DYNC1I1: variants seen among roughly 807,000 people sequenced by gnomAD.
DYNC1I1 encodes the protein dynein cytoplasmic 1 intermediate chain 1.
In DYNC1I1, 43 loss-of-function variants were observed where a neutral mutation model predicts 86.6. That is an observed-to-expected ratio of 0.50 (90% confidence interval 0.39 to 0.64). DYNC1I1 has a LOEUF of 0.64. Ranked by LOEUF, DYNC1I1 falls within the 30% of genes least tolerant of loss-of-function variation. The pLI is 0.00. For synonymous variants in DYNC1I1, 262 were observed against 283.7 expected, an observed-to-expected ratio of 0.92 and a Z score of 0.77; for missense variants, 604 against 788.8, an observed-to-expected ratio of 0.77 and a Z score of 2.81.
intron 13 of DYNC1I1, among the ~76,000 whole-genome samples, chr7:96,038,049 A>G (rs888909895): frequency 2.0e-5 from 3 of 152,190 alleles, no homozygotes; most frequent in African/African-American, 7.2e-5. Context: ...ACCAGGGGCC[A>G]CTTCAAAGAT....
chr7:95,908,189 T>C (rs1450048056), intron 6 of DYNC1I1, among the ~76,000 whole-genome samples: 2 of 152,174 alleles, frequency 1.3e-5, no homozygotes, highest in East Asian at 1.9e-4. Flanking sequence ...ACTGCACTTA[T>C]AGAGTTTAAT....
At chr7:96,005,058 GAGT>G (rs1341325481) in intron 10 of DYNC1I1, among the ~76,000 whole-genome samples, 4 of 150,036 alleles carry the variant, frequency 2.7e-5, no homozygotes, top group Non-Finnish European at 5.9e-5. Flanking sequence ...TAAAATATAA[GAGT>G]ATGAGTAAAA....
At chr7:95,777,764 G>A (rs1428683997) in intron 1 of DYNC1I1, among the ~76,000 whole-genome samples, 2 of 152,120 alleles carry the variant, frequency 1.3e-5, no homozygotes, top group Admixed American at 6.6e-5. Context: ...TATAGAGGAC[G>A]ATTGTACTTG....
Position 96,076,093 on chromosome 7 carries a change from G to C in DYNC1I1, c.1546G>C (p.Asp516His). 1 of 1,614,206 alleles carries C rather than the reference G, an allele frequency of 6.2e-7. No homozygotes were observed. Among genetic ancestry groups the C allele is most frequent in the Non-Finnish European group, 8.5e-7 (1 of 1,180,044 alleles). ...KPLYSFEDNADYVYDVMWSPV... is the reference protein window; with the variant it reads ...KPLYSFEDNAHYVYDVMWSPV... ...GCTCTACTCCTTTGAAGACAATGCA[G>C]ACTATGTGTACGATGTCATGTGGTC... Residue 516 changes from aspartate to histidine, a missense_variant, in exon 15 of 17, where the codon GAC becomes CAC. By Grantham distance (81) the Asp-to-His change is moderately conservative. Transcript: ENST00000447467.
intron 16 of DYNC1I1, among the ~76,000 whole-genome samples, chr7:96,109,239 T>C (rs1474045869): frequency 1.3e-5 from 2 of 151,952 alleles, no homozygotes; most frequent in East Asian, 3.9e-4. Context: ...ATACTTTAAG[T>C]TTTAGGGTAC....
At chr7:96,084,124 T>C (rs1025964536) in intron 16 of DYNC1I1, among the ~76,000 whole-genome samples, 3 of 151,958 alleles carry the variant, frequency 2.0e-5, no homozygotes, top group Admixed American at 6.5e-5. Flanking sequence ...AGTGAGGCTG[T>C]CTTGAAGAGT....
At chr7:95,904,730 G>A (rs979420120) in intron 6 of DYNC1I1, among the ~76,000 whole-genome samples, 4 of 152,118 alleles carry the variant, frequency 2.6e-5, no homozygotes, top group South Asian at 2.1e-4. Context: ...AAGGGAATGT[G>A]ATCTTGAATT....
chr7:95,926,219 T>G (rs1791740773), intron 6 of DYNC1I1, among the ~76,000 whole-genome samples: 1 of 152,198 alleles, frequency 6.6e-6, no homozygotes, highest in African/African-American at 2.4e-5. Flanking sequence ...AAGATTTAAC[T>G]AGACTGTAAG....
chr7:95,945,213 G>C (rs1270636460), intron 6 of DYNC1I1, among the ~76,000 whole-genome samples: 2 of 151,794 alleles, frequency 1.3e-5, no homozygotes, highest in Non-Finnish European at 2.9e-5. Context: ...TGGAGGTAGA[G>C]GGGGGAAAAA....
intron 1 of DYNC1I1, among the ~76,000 whole-genome samples, chr7:95,781,111 A>G (rs1251904989): frequency 6.6e-6 from 1 of 152,156 alleles, no homozygotes; most frequent in African/African-American, 2.4e-5. Context: ...CCCTCTTTGA[A>G]TGCCTTCAGG....
chr7:96,007,659 A>G (rs2115828482), intron 10 of DYNC1I1, among the ~76,000 whole-genome samples: 1 of 152,274 alleles, frequency 6.6e-6, no homozygotes, highest in African/African-American at 2.4e-5. Context: ...ACAATTTGCC[A>G]TATCCTTAGG....
intron 14 of DYNC1I1, among the ~76,000 whole-genome samples, chr7:96,048,266 G>GT (rs546058697): frequency 6.6e-6 from 1 of 152,122 alleles, no homozygotes; most frequent in Non-Finnish European, 1.5e-5. Context: ...CAAGAATTGT[G>GT]TAAAATTGCC....
chr7:95,829,270 C>T (rs1795268941), intron 5 of DYNC1I1, among the ~76,000 whole-genome samples: 1 of 151,984 alleles, frequency 6.6e-6, no homozygotes, highest in Non-Finnish European at 1.5e-5. Flanking sequence ...TGCCTGTGAC[C>T]CTTTGCATAT....
intron 6 of DYNC1I1, among the ~76,000 whole-genome samples, chr7:95,894,497 C>T (rs1790826790): frequency 1.3e-5 from 2 of 152,016 alleles, no homozygotes; most frequent in African/African-American, 4.8e-5. Context: ...TGTATTAGCA[C>T]TGCAAGCATA....
intron 5 of DYNC1I1, among the ~76,000 whole-genome samples, chr7:95,833,109 T>C (rs975330973): frequency 6.7e-6 from 1 of 148,672 alleles, no homozygotes; most frequent in Non-Finnish European, 1.5e-5. Context: ...TTAGGTCTAA[T>C]GTTTAAGTCT....
chr7:95,841,412 G>A (rs1789276982), intron 5 of DYNC1I1, among the ~76,000 whole-genome samples: 1 of 151,626 alleles, frequency 6.6e-6, no homozygotes, highest in South Asian at 2.1e-4. Context: ...CTCCCAGGGA[G>A]AATCTGAGAG....
intron 14 of DYNC1I1, among the ~76,000 whole-genome samples, chr7:96,066,783 G>A (rs59574391): frequency 0.077 from 11,688 of 152,212 alleles, 889 homozygotes; most frequent in African/African-American, 0.2. Context: ...AGAACAAAGT[G>A]AGAAAACAGA....
At chr7:96,027,445 T>C (rs1794708319) in intron 10 of DYNC1I1, among the ~76,000 whole-genome samples, 1 of 152,176 alleles carries the variant, frequency 6.6e-6, no homozygotes, top group Admixed American at 6.5e-5. Flanking sequence ...TGCCCAGTAG[T>C]CTTTTATGGA....
chr7:95,825,440 C>G (rs1455798727), intron 4 of DYNC1I1, among the ~76,000 whole-genome samples: 1 of 152,174 alleles, frequency 6.6e-6, no homozygotes, highest in Admixed American at 6.5e-5. Flanking sequence ...AGAGTCTGCT[C>G]TTTTGTCTAC....
Sources: allele counts gnomAD v4.1 joint callset (sites outside exome capture counted in the v4.1 genomes callset), GRCh38; gene constraint gnomAD v4.1.1; transcripts MANE v1.5; gene names NCBI Gene and HGNC (gene_info 2026-07-23, HGNC 2026-07-21).